The following AMPH variants were observed in gnomAD, a reference collection of about 807,000 sequenced individuals.
The protein encoded by AMPH is amphiphysin.
A neutral mutation model predicts 99.1 loss-of-function variants in AMPH; 49 were observed. The observed-to-expected ratio is 0.49, with a 90% CI of 0.39 to 0.63. The LOEUF is 0.63. AMPH is among the 20% of genes least tolerant of loss of function. AMPH has a pLI of 0.00. For synonymous variants in AMPH, 314 were observed against 317.3 expected, an observed-to-expected ratio of 0.99 and a Z score of 0.11; for missense variants, 759 against 863.4, an observed-to-expected ratio of 0.88 and a Z score of 1.52.
intron 4 of AMPH, among the ~76,000 whole-genome samples, chr7:38,491,495 C>T (rs1486952207): frequency 2.0e-5 from 3 of 152,172 alleles, no homozygotes; most frequent in Non-Finnish European, 2.9e-5. Context: ...TTTTGACGCA[C>T]TCCATGAAAT....
intron 1 of AMPH, among the ~76,000 whole-genome samples, chr7:38,594,941 G>T (rs981223315): frequency 6.6e-6 from 1 of 152,150 alleles, no homozygotes; most frequent in Non-Finnish European, 1.5e-5. Flanking sequence ...AAAAACAAGG[G>T]GGGGAAAGAA....
At chr7:38,429,950 A>G in intron 13 of AMPH, 85 bp from the exon 14 acceptor site, 11 of 1,273,354 alleles carry the variant, frequency 8.6e-6, no homozygotes, top group Non-Finnish European at 1.2e-5. Flanking sequence ...TAGAGTCAAC[A>G]TTCTGCTGAA....
chr7:38,467,263 T>C (rs980153094), intron 7 of AMPH, among the ~76,000 whole-genome samples: 2 of 152,044 alleles, frequency 1.3e-5, no homozygotes, highest in Non-Finnish European at 2.9e-5. Context: ...AAACCCTAGA[T>C]GTGTCTGAGA....
At position 38,391,805 on chromosome 7, in the gene AMPH, G is replaced by A. The variant is rs149045142; in HGVS notation, c.1821C>T (p.Asp607=). The A allele has an allele frequency of 4.5e-5, 72 of 1,613,872 alleles. No homozygotes were observed. Among genetic ancestry groups the A allele is most frequent in the Admixed American group, 1.7e-5 (1 of 59,998 alleles). ...AGGCCTCCCTTGCAGATGCTAGCTG[G>A]TCAGCAGCCCCCATGGCTGGTGCAG... ...TPSAPAMGAA[D]QLASAREASQ... is the part of the protein sequence containing the mutation. The change falls in exon 19 of 21, where the codon GAC becomes GAT. Residue 607 remains aspartate (D), a synonymous_variant. Coordinates refer to ENST00000356264, the MANE Select transcript of AMPH (RefSeq NM_001635.4).
At chr7:38,579,187 T>C (rs1185069740) in intron 1 of AMPH, among the ~76,000 whole-genome samples, 3 of 152,208 alleles carry the variant, frequency 2.0e-5, no homozygotes, top group Non-Finnish European at 4.4e-5. Flanking sequence ...TTTCCATACC[T>C]GCTGTGCTGG....
At chr7:38,587,951 C>CTGT in intron 1 of AMPH, among the ~76,000 whole-genome samples, 1 of 126,650 alleles carries the variant, frequency 7.9e-6, no homozygotes, top group South Asian at 2.6e-4. Flanking sequence ...TGTGTGTGTG[C>CTGT]GCGTGTGTGT....
intron 17 of AMPH, among the ~76,000 whole-genome samples, chr7:38,406,844 T>A (rs966126234): frequency 2.1e-5 from 3 of 145,212 alleles, no homozygotes; most frequent in Non-Finnish European, 4.5e-5. Context: ...ACCAGTGGCC[T>A]CTTGGGGGTT....
chr7:38,550,679 A>T (rs1791150202), intron 1 of AMPH, among the ~76,000 whole-genome samples: 1 of 152,174 alleles, frequency 6.6e-6, no homozygotes, highest in Non-Finnish European at 1.5e-5. Context: ...GTAATTTATC[A>T]TCCCTCCTCC....
intron 11 of AMPH, among the ~76,000 whole-genome samples, chr7:38,445,664 A>G (rs76683697): frequency 0.057 from 8,641 of 152,296 alleles, 642 homozygotes; most frequent in East Asian, 0.35. Context: ...TAACACCACT[A>G]GTCATTTGGG....
At chr7:38,503,623 A>T (rs567154573) in intron 3 of AMPH, 27 bp downstream of exon 3, 43 of 1,609,016 alleles carry the variant, frequency 2.7e-5, no homozygotes, top group Middle Eastern at 1.7e-4. Context: ...GCTAAGTAAC[A>T]TGCAGTAAAC....
At chr7:38,472,763 T>C (rs1787931895) in intron 7 of AMPH, among the ~76,000 whole-genome samples, 1 of 152,156 alleles carries the variant, frequency 6.6e-6, no homozygotes. Context: ...AGTGCCAGAG[T>C]GAGACATTAG....
At position 38,543,364 on chromosome 7, in the gene AMPH, G is replaced by C. The variant is rs892857411; in HGVS notation, c.70-8353C>G. ...AAAACTCTACCCAGGATTTCAAATG[G>C]GAGCTGTAAGTTCCCTAAGGCAAGA... is the stretch of plus-strand genomic sequence containing the variant. On this transcript the variant is annotated intron_variant, in intron 1 of 20. Transcript: ENST00000356264. Among the ~76,000 whole-genome samples, 5 of 152,270 alleles carry C rather than the reference G, an allele frequency of 3.3e-5. No individual in the cohort carries two copies. The South Asian group carries it at 1.0e-3, about 32-fold the overall frequency.
intron 1 of AMPH, among the ~76,000 whole-genome samples, chr7:38,566,326 G>C (rs1791742633): frequency 6.6e-6 from 1 of 151,196 alleles, no homozygotes; most frequent in Admixed American, 6.6e-5. Context: ...TTTGTTTTGA[G>C]ACAATCTCTC....
At chr7:38,617,849 G>GAAA (rs35883393) in intron 1 of AMPH, among the ~76,000 whole-genome samples, 2 of 151,390 alleles carry the variant, frequency 1.3e-5, no homozygotes, top group Admixed American at 6.6e-5. Context: ...CTATGGAATG[G>GAAA]AAAAAAAAAC....
At chr7:38,478,314 T>C (rs369835100) in intron 5 of AMPH, among the ~76,000 whole-genome samples, 15 of 152,150 alleles carry the variant, frequency 9.9e-5, no homozygotes, top group East Asian at 5.8e-4. Context: ...ACCTAAGAAT[T>C]TGAAAATATT....
chr7:38,496,526 T>C (rs1240318747), intron 3 of AMPH, among the ~76,000 whole-genome samples: 1 of 152,102 alleles, frequency 6.6e-6, no homozygotes, highest in African/African-American at 2.4e-5. Context: ...CTGGGGACTC[T>C]GATGAAACAG....
chr7:38,486,163 T>G (rs1415610361), intron 5 of AMPH, among the ~76,000 whole-genome samples: 3 of 151,370 alleles, frequency 2.0e-5, no homozygotes, highest in East Asian at 1.9e-4. Flanking sequence ...CTATGAGTTT[T>G]TTTTTTTTTT....
Position 38,615,854 on chromosome 7 carries a change from C to T in AMPH, c.69+15429G>A, listed in dbSNP as rs143428698. ...TGGCCACGTGGTTCTGTAGCAAGGG[C>T]TGGGGATCAGAGCCCAATGTCAGTG... is the stretch of plus-strand genomic sequence containing the variant. On this transcript the variant is annotated intron_variant, in intron 1 of 20. Transcript: ENST00000356264. Among the ~76,000 whole-genome samples the T allele has an allele frequency of 2.6e-5, 4 of 152,262 alleles. No individual in the cohort carries two copies. The East Asian group carries it at 7.7e-4, about 29-fold the overall frequency.
chr7:38,458,039 T>C (rs562847352), intron 11 of AMPH, among the ~76,000 whole-genome samples: 4 of 152,208 alleles, frequency 2.6e-5, no homozygotes, highest in Non-Finnish European at 4.4e-5. Context: ...CTCTTCCTCA[T>C]TTGTGTGTTT....
Sources: gnomAD v4.1 joint callset for allele counts (sites outside exome capture counted in the v4.1 genomes callset) on GRCh38, gnomAD v4.1.1 for gene constraint, MANE v1.5 for transcripts, NCBI Gene and HGNC (gene_info 2026-07-23, HGNC 2026-07-21) for gene names.